The following NEGR1 variants were observed in gnomAD, a reference collection of about 807,000 sequenced individuals.
NEGR1 encodes neuronal growth regulator 1, also known as IgLON family member 4.
In NEGR1, 10 loss-of-function variants were observed where a neutral mutation model predicts 40.9. The ratio of observed to expected loss-of-function variants is 0.24; its 90% CI spans 0.15 to 0.42. NEGR1 has a LOEUF of 0.42. Ranked by LOEUF, NEGR1 falls within the 10% of genes least tolerant of loss-of-function variation. The probability of loss-of-function intolerance (pLI) is 1.00; values close to 1 mark genes in which losing one functional copy is unlikely to be tolerated. For missense variants in NEGR1, 352 were observed against 438.9 expected (o/e 0.80, Z 1.77); for synonymous variants, 185 against 166.8 (o/e 1.11, Z -0.84).
At chr1:72,207,626 A>T (rs565106568) in intron 1 of NEGR1, among the ~76,000 whole-genome samples, 1 of 151,856 alleles carries the variant, frequency 6.6e-6, no homozygotes, top group South Asian at 2.1e-4. Flanking sequence ...CATTACAGAT[A>T]CATGGAGTCT....
intron 4 of NEGR1, among the ~76,000 whole-genome samples, chr1:71,681,317 T>C (rs1652830378): frequency 6.6e-6 from 1 of 152,264 alleles, no homozygotes; most frequent in South Asian, 2.1e-4. Flanking sequence ...AAAGTCATTT[T>C]GTGACAAACT....
intron 3 of NEGR1, among the ~76,000 whole-genome samples, chr1:71,726,465 C>T (rs1421786052): frequency 3.9e-5 from 6 of 151,974 alleles, no homozygotes; most frequent in East Asian, 1.9e-4. Flanking sequence ...CTGAAGATTC[C>T]GAAGTTAGGA....
At chr1:71,774,865 T>C (rs1656448227) in intron 3 of NEGR1, among the ~76,000 whole-genome samples, 1 of 152,220 alleles carries the variant, frequency 6.6e-6, no homozygotes, top group Non-Finnish European at 1.5e-5. Flanking sequence ...CCTGTTTTGA[T>C]GATGACTAAG....
Position 72,182,789 on chromosome 1 carries a change from T to C in NEGR1, c.176+99530A>G, listed in dbSNP as rs897672620. Among the ~76,000 whole-genome samples the C allele has an allele frequency of 8.7e-5, 13 of 148,886 alleles. No individual in the cohort carries two copies. The Admixed American group carries it at 8.9e-4, about 10-fold the overall frequency. On this transcript the variant is annotated intron_variant, in intron 1 of 6. Coordinates refer to ENST00000357731, the MANE Select transcript of NEGR1 (RefSeq NM_173808.3). The stretch of plus-strand genomic sequence containing the variant: ...CTGTGTGTGCGTGTGTATATATATA[T>C]ATATATATATGTTTGTATGTGTATA...
intron 1 of NEGR1, among the ~76,000 whole-genome samples, chr1:72,091,228 T>C (rs545386080): frequency 1.2e-4 from 19 of 152,304 alleles, no homozygotes; most frequent in African/African-American, 4.6e-4. Flanking sequence ...CACTCAGATA[T>C]GTAAAGACAT....
chr1:72,155,394 T>A (rs2100363256), intron 1 of NEGR1, among the ~76,000 whole-genome samples: 1 of 152,134 alleles, frequency 6.6e-6, no homozygotes, highest in Non-Finnish European at 1.5e-5. Flanking sequence ...AGTGGCTTTG[T>A]CAATTATCCT....
chr1:71,684,461 A>C (rs1652955250), intron 4 of NEGR1, among the ~76,000 whole-genome samples: 1 of 152,108 alleles, frequency 6.6e-6, no homozygotes, highest in Non-Finnish European at 1.5e-5. Context: ...AACACATACT[A>C]ACGTATGTTT....
At chr1:71,675,488 T>A (rs1652596173) in intron 4 of NEGR1, among the ~76,000 whole-genome samples, 1 of 151,542 alleles carries the variant, frequency 6.6e-6, no homozygotes, top group Non-Finnish European at 1.5e-5. Context: ...TCTATATGTA[T>A]CTCCCTCTCT....
At chr1:71,998,846 C>T (rs1429857150) in intron 1 of NEGR1, among the ~76,000 whole-genome samples, 1 of 151,446 alleles carries the variant, frequency 6.6e-6, no homozygotes, top group African/African-American at 2.4e-5. Flanking sequence ...TCTACATATA[C>T]ACATACTTGG....
At chr1:71,468,386 G>A (rs754966460) in intron 6 of NEGR1, 1 of 151,920 alleles carries the variant, frequency 6.6e-6, no homozygotes, top group Non-Finnish European at 1.5e-5. Flanking sequence ...GGAATTAGAT[G>A]AGCAAAAAGC....
chr1:71,761,638 C>T (rs932706539), intron 3 of NEGR1, among the ~76,000 whole-genome samples: 4 of 152,146 alleles, frequency 2.6e-5, no homozygotes, highest in African/African-American at 9.6e-5. Flanking sequence ...TGCTATGTGG[C>T]CCTTTTAAGG....
At position 71,401,626 on chromosome 1, in the gene NEGR1, AAAC is replaced by A. The variant is rs1477524662; in HGVS notation, c.*5817_*5819del. The A allele has an allele frequency of 6.6e-6, 1 of 152,222 alleles. No individual in the cohort carries two copies. The highest frequency in any genetic ancestry group is 1.5e-5 in the Non-Finnish European group (1 of 68,040). The allele number at this position is 152,222 out of a possible 1,614,324, so 9.4% of individuals were successfully genotyped here. A position where few individuals can be genotyped will look rare whatever the true frequency, so the allele number is the denominator to read the frequency against. On this transcript the variant is annotated 3_prime_UTR_variant, in exon 7 of 7. Transcript: ENST00000357731. ...TTAGTATTTCAATATAAATGGCCTCAAACAACATCACTCAGATTAAAATCAGTA... is the reference window on the plus strand; with the variant it reads ...TTAGTATTTCAATATAAATGGCCTCAAACATCACTCAGATTAAAATCAGTA...
At position 71,436,210 on chromosome 1, in the gene NEGR1, A is replaced by G. The variant is rs530465758; in HGVS notation, c.941-28640T>C. ...AACAGAGGCAATCAAGGAAATAATG[A>G]AAGAGATTGTGAATATGGCAAAAAA... On this transcript the variant is annotated intron_variant, in intron 6 of 6. Coordinates refer to ENST00000357731, the MANE Select transcript of NEGR1 (RefSeq NM_173808.3). Among the ~76,000 whole-genome samples, 56 of 151,832 alleles carry G rather than the reference A, an allele frequency of 3.7e-4. 1 individual carries two copies. The highest frequency in any genetic ancestry group is 8.3e-4 in the South Asian group (4 of 4,808).
chr1:72,006,035 C>T (rs1352170605), intron 1 of NEGR1, among the ~76,000 whole-genome samples: 1 of 152,072 alleles, frequency 6.6e-6, no homozygotes, highest in Non-Finnish European at 1.5e-5. Context: ...TGATGGGCTA[C>T]CAGATTTGCC....
At chr1:71,506,598 A>G (rs1376780652) in intron 6 of NEGR1, among the ~76,000 whole-genome samples, 4 of 152,190 alleles carry the variant, frequency 2.6e-5, no homozygotes, top group Non-Finnish European at 4.4e-5. Flanking sequence ...TAGAAAAAAA[A>G]TCATTTGGTC....
chr1:71,827,498 G>GTCCC (rs1435415454), intron 2 of NEGR1, among the ~76,000 whole-genome samples: 1 of 151,706 alleles, frequency 6.6e-6, no homozygotes, highest in East Asian at 1.9e-4. Flanking sequence ...CTTACAGTTT[G>GTCCC]TGACTCACTG....
At chr1:71,418,407 G>C (rs964389086) in intron 6 of NEGR1, among the ~76,000 whole-genome samples, 1 of 151,688 alleles carries the variant, frequency 6.6e-6, no homozygotes, top group African/African-American at 2.4e-5. Context: ...TCTGCCTCTC[G>C]GGTTCACGCC....
chr1:71,740,234 C>A (rs927891770), intron 3 of NEGR1, among the ~76,000 whole-genome samples: 5 of 152,166 alleles, frequency 3.3e-5, no homozygotes, highest in Admixed American at 3.3e-4. Context: ...CACAACCATT[C>A]TTCTCCATTT....
At position 71,591,074 on chromosome 1, in the gene NEGR1, G is replaced by A. The variant is rs1557578800; in HGVS notation, c.940+1743C>T. On this transcript the variant is annotated intron_variant, in intron 6 of 6. Transcript: ENST00000357731. The stretch of plus-strand genomic sequence containing the variant: ...GCTTAGTGCAGTAAGAGCTTCAGAT[G>A]AGGTCATACCAGGGGTTCTGAATAT... 2.0e-5 allele frequency among the ~76,000 whole-genome samples: 3 copies of A among 152,134 alleles called. No homozygotes were observed. The East Asian group carries it at 5.8e-4, about 29-fold the overall frequency.
Sources: allele counts gnomAD v4.1 joint callset (sites outside exome capture counted in the v4.1 genomes callset), GRCh38; gene constraint gnomAD v4.1.1; transcripts MANE v1.5; gene names NCBI Gene and HGNC (gene_info 2026-07-23, HGNC 2026-07-21).